RTN4IP1: variants seen among roughly 807,000 people sequenced by gnomAD.
The protein encoded by RTN4IP1 is NAD(P)H oxidoreductase RTN4IP1, mitochondrial.
In RTN4IP1, 32 loss-of-function variants were observed where a neutral mutation model predicts 46.6. The ratio of observed to expected loss-of-function variants is 0.69; its 90% CI spans 0.52 to 0.92. RTN4IP1 has a LOEUF of 0.92. RTN4IP1 is among the 40% of genes least tolerant of loss of function. RTN4IP1 has a pLI of 0.00. For synonymous variants in RTN4IP1, 167 were observed against 161.8 expected (o/e 1.03, Z -0.24); for missense variants, 424 against 485.8 (o/e 0.87, Z 1.20).
Position 106,576,352 on chromosome 6 carries a change from C to A in RTN4IP1, c.1084-4249G>T, listed in dbSNP as rs149220287. Among the ~76,000 whole-genome samples the A allele has an allele frequency of 1.2e-4, 19 of 152,288 alleles. No individual in the cohort carries two copies. The East Asian group carries it at 3.5e-3, about 28-fold the overall frequency. ...GTACCCCTAAAAAATGCACTTCCAA[C>A]AGCCAGAAGGTGAGAGGAGAAACCC... On this transcript the variant is annotated intron_variant, in intron 8 of 8. Coordinates refer to ENST00000369063, the MANE Select transcript of RTN4IP1 (RefSeq NM_032730.5).
At chr6:106,600,258 A>T (rs531166861) in intron 5 of RTN4IP1, among the ~76,000 whole-genome samples, 3 of 152,008 alleles carry the variant, frequency 2.0e-5, no homozygotes, top group African/African-American at 4.8e-5. Context: ...TACTGGGGAA[A>T]AGAATCTCTC....
chr6:106,623,408 A>C (rs1776543261), intron 1 of RTN4IP1, among the ~76,000 whole-genome samples: 1 of 152,188 alleles, frequency 6.6e-6, no homozygotes, highest in African/African-American at 2.4e-5. Context: ...GGGAAGAGGA[A>C]GAGGATCAAG....
rs112714868 is a variant in RTN4IP1 at position 106,617,947 on chromosome 6, A to C, written c.620+1255T>G. Among the ~76,000 whole-genome samples, 513 of 152,346 alleles carry C rather than the reference A, an allele frequency of 3.4e-3. 6 individuals carry two copies. Among genetic ancestry groups the C allele is most frequent in the African/African-American group, 0.012 (481 of 41,578 alleles). On this transcript the variant is annotated intron_variant, in intron 4 of 8. Coordinates refer to ENST00000369063, the MANE Select transcript of RTN4IP1 (RefSeq NM_032730.5). ...AAGGTTTTTGCAAGGTTATTAACTA[A>C]GAGAAACCATTAGAAAAATCTATGT...
chr6:106,576,886 C>T (rs1222365291), intron 8 of RTN4IP1, among the ~76,000 whole-genome samples: 1 of 152,204 alleles, frequency 6.6e-6, no homozygotes, highest in Non-Finnish European at 1.5e-5. Flanking sequence ...GTGACCAACA[C>T]ATTTCTCCAC....
chr6:106,628,814 A>G lies in RTN4IP1; in HGVS notation c.208T>C (p.Tyr70His), dbSNP rs1488544972. ...ACTTTGACAATGACTTCATTTGGAT[A>G]GTGTATGATAGGCATCATCATGTTC... ...TQNMMMPIIHYPNEVIVKVHA... is the reference protein window; with the variant it reads ...TQNMMMPIIHHPNEVIVKVHA... The change falls in exon 1 of 9, where the codon TAT becomes CAT. Residue 70 changes from tyrosine to histidine, a missense_variant. Coordinates refer to ENST00000369063, the MANE Select transcript of RTN4IP1 (RefSeq NM_032730.5). 1 of 1,614,040 alleles carries G rather than the reference A, an allele frequency of 6.2e-7. No individual in the cohort carries two copies. Among genetic ancestry groups the G allele is most frequent in the South Asian group, 1.1e-5 (1 of 91,092 alleles).
In RTN4IP1 at chr6:106,628,905, C is replaced by T. The variant is rs755748311; in HGVS notation, c.117G>A (p.Arg39=). ...SVRRISTTSP[R]STVMPAWVID... ...TCACCCAAGCAGGCATGACAGTGCT[C>T]CTAGGAGAGGTAGTACTAATCCTTC... is the stretch of plus-strand genomic sequence containing the variant. Residue 39 remains arginine, a synonymous_variant, in exon 1 of 9, where the codon AGG becomes AGA. Coordinates refer to ENST00000369063, the MANE Select transcript of RTN4IP1 (RefSeq NM_032730.5). The T allele has an allele frequency of 6.2e-7, 1 of 1,614,076 alleles. No individual in the cohort carries two copies. The highest frequency in any genetic ancestry group is 1.1e-5 in the South Asian group (1 of 91,086).
At chr6:106,605,840 A>AG (rs1776057500) in intron 4 of RTN4IP1, among the ~76,000 whole-genome samples, 1 of 139,372 alleles carries the variant, frequency 7.2e-6, no homozygotes, top group African/African-American at 2.6e-5. Context: ...AAAAAAAAAA[A>AG]AAAAGAAATC....
At chr6:106,589,272 A>AGG (rs1775585884) in intron 6 of RTN4IP1, among the ~76,000 whole-genome samples, 1 of 18,832 alleles carries the variant, frequency 5.3e-5, no homozygotes, top group Non-Finnish European at 2.9e-4. Context: ...GAAGGAGAAG[A>AGG]AGAAGGAGAA....
At chr6:106,607,791 T>C (rs575648307) in intron 4 of RTN4IP1, 70 of 151,934 alleles carry the variant, frequency 4.6e-4, no homozygotes, top group African/African-American at 1.6e-3. Context: ...AAGAATGACA[T>C]GCAAATTTGT....
chr6:106,604,262 AGTT>A (rs1025532827), intron 4 of RTN4IP1, among the ~76,000 whole-genome samples: 7 of 152,336 alleles, frequency 4.6e-5, no homozygotes, highest in African/African-American at 9.6e-5. Flanking sequence ...TTTTTGAGCC[AGTT>A]GTTCCCTTTG....
At chr6:106,602,348 T>A (rs1582371218) in intron 5 of RTN4IP1, among the ~76,000 whole-genome samples, 2 of 152,194 alleles carry the variant, frequency 1.3e-5, no homozygotes, top group Admixed American at 6.5e-5. Flanking sequence ...AGTATTGCCA[T>A]CTTAACGGTA....
chr6:106,614,372 G>T (rs550197915), intron 4 of RTN4IP1, among the ~76,000 whole-genome samples: 1 of 152,314 alleles, frequency 6.6e-6, no homozygotes, highest in South Asian at 2.1e-4. Context: ...GTGGTAGTTG[G>T]TAAGTGTTGT....
intron 5 of RTN4IP1, among the ~76,000 whole-genome samples, chr6:106,601,963 A>C (rs1775960102): frequency 6.6e-6 from 1 of 151,954 alleles, no homozygotes; most frequent in African/African-American, 2.4e-5. Context: ...GCTCAACTTC[A>C]TTCTTTTGCA....
At chr6:106,625,661 C>CTTTTTTTTTTTTT (rs773454257) in intron 1 of RTN4IP1, among the ~76,000 whole-genome samples, 5 of 112,796 alleles carry the variant, frequency 4.4e-5, no homozygotes, top group Non-Finnish European at 7.2e-5. Flanking sequence ...TCTTTTTTTT[C>CTTTTTTTTTTTTT]TTTTTTTTTT....
intron 8 of RTN4IP1, among the ~76,000 whole-genome samples, chr6:106,573,560 T>C (rs1220201257): frequency 6.6e-6 from 1 of 152,262 alleles, no homozygotes; most frequent in Non-Finnish European, 1.5e-5. Flanking sequence ...GGCACTGTTT[T>C]AGGGGCTCTA....
At chr6:106,581,319 T>C (rs1775365239) in intron 8 of RTN4IP1, among the ~76,000 whole-genome samples, 1 of 152,252 alleles carries the variant, frequency 6.6e-6, no homozygotes, top group South Asian at 2.1e-4. Context: ...AACAGTTACC[T>C]GCTAATGAGA....
chr6:106,602,841 C>T (rs745456061), intron 5 of RTN4IP1, 33 bp downstream of exon 5: 1 of 1,454,430 alleles, frequency 6.9e-7, no homozygotes, highest in East Asian at 2.4e-5. Flanking sequence ...CAAACAAAAT[C>T]CTCCTATTCA....
chr6:106,577,595 C>T (rs1775260981), intron 8 of RTN4IP1, among the ~76,000 whole-genome samples: 1 of 152,046 alleles, frequency 6.6e-6, no homozygotes, highest in South Asian at 2.1e-4. Context: ...AGAATAATGG[C>T]CCCCAAAGAT....
chr6:106,617,708 A>G (rs964870127), intron 4 of RTN4IP1, among the ~76,000 whole-genome samples: 16 of 152,130 alleles, frequency 1.1e-4, no homozygotes, highest in African/African-American at 3.9e-4. Flanking sequence ...AAATTTTTAA[A>G]TTTTTTCTTA....
Sources: gnomAD v4.1 joint callset for allele counts (sites outside exome capture counted in the v4.1 genomes callset) on GRCh38, gnomAD v4.1.1 for gene constraint, MANE v1.5 for transcripts, NCBI Gene and HGNC (gene_info 2026-07-23, HGNC 2026-07-21) for gene names.